The following TRPM3 variants were observed in gnomAD, a reference collection of about 807,000 sequenced individuals.
TRPM3 encodes long transient receptor potential channel 3.
In TRPM3, 77 loss-of-function variants were observed where a neutral mutation model predicts 181.2. The observed-to-expected ratio is 0.42, with a 90% CI of 0.35 to 0.51. The LOEUF is 0.51. Among genes scored for constraint, TRPM3 ranks in the 20% least tolerant of loss-of-function variants. The probability of loss-of-function intolerance (pLI) is 0.01; values close to 1 mark genes in which losing one functional copy is unlikely to be tolerated. For missense variants in TRPM3, 1,759 were observed against 2,196.7 expected (o/e 0.80, Z 3.98); for synonymous variants, 745 against 796.4 (o/e 0.94, Z 1.09).
intron 1 of TRPM3, among the ~76,000 whole-genome samples, chr9:71,356,141 GA>G (rs1434116989): frequency 2.6e-5 from 4 of 152,160 alleles, no homozygotes; most frequent in South Asian, 4.1e-4. Flanking sequence ...TCAACGAATG[GA>G]AACAGCTACT....
At chr9:71,136,687 G>C (rs2074786696) in intron 1 of TRPM3, among the ~76,000 whole-genome samples, 1 of 152,150 alleles carries the variant, frequency 6.6e-6, no homozygotes, top group African/African-American at 2.4e-5. Context: ...AGAATGCGAA[G>C]AGGGCACAGG....
At chr9:71,160,694 C>G (rs1272201135) in intron 1 of TRPM3, among the ~76,000 whole-genome samples, 1 of 152,158 alleles carries the variant, frequency 6.6e-6, no homozygotes, top group Non-Finnish European at 1.5e-5. Context: ...CTTCTTCATT[C>G]CCTTCATAAC....
intron 9 of TRPM3, among the ~76,000 whole-genome samples, chr9:70,670,791 G>C (rs1035862375): frequency 6.6e-6 from 1 of 152,134 alleles, no homozygotes; most frequent in African/African-American, 2.4e-5. Context: ...TAGAGTGTCC[G>C]CCCTTAAAGA....
intron 1 of TRPM3, among the ~76,000 whole-genome samples, chr9:71,282,557 T>C (rs2084933781): frequency 6.6e-6 from 1 of 152,222 alleles, no homozygotes; most frequent in Non-Finnish European, 1.5e-5. Context: ...ATGTTTAAAC[T>C]TCAAGTAAAA....
chr9:71,149,323 G>C (rs2075602719), intron 1 of TRPM3, among the ~76,000 whole-genome samples: 1 of 151,652 alleles, frequency 6.6e-6, no homozygotes, highest in Non-Finnish European at 1.5e-5. Context: ...GGATCACTTG[G>C]GCCCAGGAGG....
chr9:70,899,269 A>T (rs1157531290), intron 1 of TRPM3, among the ~76,000 whole-genome samples: 5 of 152,190 alleles, frequency 3.3e-5, no homozygotes, highest in Non-Finnish European at 2.9e-5. Context: ...TTAAAAGATG[A>T]CTTGTTATTC....
intron 1 of TRPM3, among the ~76,000 whole-genome samples, chr9:71,083,762 C>T (rs1328929288): frequency 6.7e-6 from 1 of 149,132 alleles, no homozygotes; most frequent in Non-Finnish European, 1.5e-5. Flanking sequence ...CATATGTATG[C>T]TAATGTTGTG....
intron 1 of TRPM3, among the ~76,000 whole-genome samples, chr9:71,135,069 C>G (rs2074681108): frequency 6.6e-6 from 1 of 152,170 alleles, no homozygotes; most frequent in Non-Finnish European, 1.5e-5. Context: ...CTCCTTATGA[C>G]AATTTTCAGC....
intron 1 of TRPM3, among the ~76,000 whole-genome samples, chr9:71,195,321 A>C (rs554923618): frequency 1.3e-5 from 2 of 152,228 alleles, no homozygotes; most frequent in South Asian, 4.1e-4. Context: ...AAAAACATAA[A>C]AAAGCAGGCA....
At chr9:71,034,638 G>A (rs943056610) in intron 1 of TRPM3, among the ~76,000 whole-genome samples, 2 of 151,948 alleles carry the variant, frequency 1.3e-5, no homozygotes, top group Admixed American at 6.6e-5. Context: ...AGCTGACTCT[G>A]TGCATTTCTT....
In TRPM3 at chr9:70,576,675, C is replaced by T. The variant is rs11142493; in HGVS notation, c.3223+14356G>A. Among the ~76,000 whole-genome samples, 900 of 152,068 alleles carry T rather than the reference C, an allele frequency of 5.9e-3. 9 individuals are homozygous for T. The highest frequency in any genetic ancestry group is 0.02 in the African/African-American group (824 of 41,472). Reference sequence around the variant, plus strand: ...GATTATAGGCACCCGCCACCGTGCCCGGCTAATTTTTGTATTTTTAGTAGA... The same window carrying T: ...GATTATAGGCACCCGCCACCGTGCCTGGCTAATTTTTGTATTTTTAGTAGA... On this transcript the variant is annotated intron_variant, in intron 22 of 25. Coordinates refer to ENST00000677713, the MANE Select transcript of TRPM3 (RefSeq NM_001366145.2).
chr9:70,931,935 G>C (rs1381546580), intron 1 of TRPM3, among the ~76,000 whole-genome samples: 1 of 152,126 alleles, frequency 6.6e-6, no homozygotes, highest in Non-Finnish European at 1.5e-5. Flanking sequence ...TTTTCTCTTG[G>C]CTGTTCAAAA....
chr9:70,630,935 T>C (rs1050098034), intron 12 of TRPM3, among the ~76,000 whole-genome samples: 14 of 149,580 alleles, frequency 9.4e-5, no homozygotes, highest in African/African-American at 1.5e-4. Context: ...TTCAAAATGG[T>C]TGGGGTTTTT....
At chr9:71,309,746 C>T (rs932524341) in intron 1 of TRPM3, among the ~76,000 whole-genome samples, 7 of 152,052 alleles carry the variant, frequency 4.6e-5, no homozygotes, top group African/African-American at 1.4e-4. Flanking sequence ...ACGCTGATAT[C>T]TTAATTTACA....
intron 1 of TRPM3, among the ~76,000 whole-genome samples, chr9:71,025,162 T>C (rs1448398223): frequency 6.6e-6 from 1 of 152,230 alleles, no homozygotes; most frequent in East Asian, 1.9e-4. Context: ...GCAATACTCA[T>C]TCCCCCAAAT....
At chr9:70,668,400 C>T (rs1254371667) in intron 9 of TRPM3, among the ~76,000 whole-genome samples, 1 of 152,080 alleles carries the variant, frequency 6.6e-6, no homozygotes, top group African/African-American at 2.4e-5. Flanking sequence ...CGCGGTGGCT[C>T]ACGCCTGTAA....
intron 6 of TRPM3, among the ~76,000 whole-genome samples, chr9:70,788,216 C>T (rs7045989): frequency 4.3e-5 from 6 of 140,022 alleles, no homozygotes; most frequent in African/African-American, 1.1e-4. Context: ...CCTGTGTCCA[C>T]GTGTTCTCAT....
chr9:70,893,376 G>A (rs2096239529), intron 1 of TRPM3, among the ~76,000 whole-genome samples: 1 of 152,082 alleles, frequency 6.6e-6, no homozygotes, highest in Non-Finnish European at 1.5e-5. Flanking sequence ...ATGCTTTATA[G>A]GGCTCTCATT....
intron 1 of TRPM3, among the ~76,000 whole-genome samples, chr9:71,312,833 A>G (rs750390237): frequency 6.6e-6 from 1 of 152,064 alleles, no homozygotes; most frequent in East Asian, 1.9e-4. Flanking sequence ...GCTGTATGAC[A>G]TTCTGAAAAA....
Sources: gnomAD v4.1 joint callset for allele counts (sites outside exome capture counted in the v4.1 genomes callset) on GRCh38, gnomAD v4.1.1 for gene constraint, MANE v1.5 for transcripts, NCBI Gene and HGNC (gene_info 2026-07-23, HGNC 2026-07-21) for gene names.